CNTNAP2: variants seen among roughly 807,000 people sequenced by gnomAD.
CNTNAP2 encodes the protein contactin associated protein 2, also known as contactin-associated protein-like 2.
Under a neutral mutation model 155.2 loss-of-function variants are expected in CNTNAP2, and 98 were observed. The observed-to-expected ratio is 0.63, with a 90% CI of 0.54 to 0.75. The LOEUF is 0.75. CNTNAP2 is among the 30% of genes least tolerant of loss of function. The pLI is 0.00. For missense variants in CNTNAP2, 1,727 were observed against 1,688.1 expected (o/e 1.02, Z -0.40); for synonymous variants, 651 against 631.2 (o/e 1.03, Z -0.47).
chr7:146,850,931 G>A (rs1468080046), intron 3 of CNTNAP2, among the ~76,000 whole-genome samples: 1 of 152,040 alleles, frequency 6.6e-6, no homozygotes, highest in East Asian at 1.9e-4. Context: ...AGTGATCTCT[G>A]CATTTAAACT....
chr7:148,313,429 G>A (rs1232990439), intron 21 of CNTNAP2, among the ~76,000 whole-genome samples: 1 of 151,816 alleles, frequency 6.6e-6, no homozygotes, highest in African/African-American at 2.4e-5. Context: ...TTTCAGTGGG[G>A]TCCCGCACAG....
At chr7:147,261,280 T>G (rs1286729213) in intron 8 of CNTNAP2, among the ~76,000 whole-genome samples, 2 of 152,186 alleles carry the variant, frequency 1.3e-5, no homozygotes, top group African/African-American at 4.8e-5. Context: ...GTTCCTTGGG[T>G]GATTCCAATG....
chr7:146,938,803 C>A (rs1230519384), intron 3 of CNTNAP2, among the ~76,000 whole-genome samples: 2 of 152,054 alleles, frequency 1.3e-5, no homozygotes, highest in Non-Finnish European at 2.9e-5. Flanking sequence ...GTGCTCAAAT[C>A]TATTGTCTTA....
chr7:146,253,218 C>T lies in CNTNAP2; in HGVS notation c.97+136245C>T, dbSNP rs115362081. ...TTCCTCACTATACTCTACTATTTCACGCCTCTGTGAGTCTGTATCCATGAA... is the reference window on the plus strand; with the variant it reads ...TTCCTCACTATACTCTACTATTTCATGCCTCTGTGAGTCTGTATCCATGAA... On this transcript the variant is annotated intron_variant, in intron 1 of 23. Coordinates refer to ENST00000361727, the MANE Select transcript of CNTNAP2 (RefSeq NM_014141.6). 4.5e-3 allele frequency among the ~76,000 whole-genome samples: 682 copies of T among 152,298 alleles called. 7 individuals are homozygous for T. The highest frequency in any genetic ancestry group is 0.016 in the African/African-American group (659 of 41,560).
intron 1 of CNTNAP2, among the ~76,000 whole-genome samples, chr7:146,243,685 G>A (rs1225304427): frequency 6.6e-6 from 1 of 151,896 alleles, no homozygotes; most frequent in African/African-American, 2.4e-5. Context: ...TTAATCTCTG[G>A]TAAAATCCAT....
At chr7:146,577,650 C>G (rs1049023049) in intron 1 of CNTNAP2, among the ~76,000 whole-genome samples, 2 of 151,930 alleles carry the variant, frequency 1.3e-5, no homozygotes, top group African/African-American at 4.8e-5. Flanking sequence ...AAAAATAAAA[C>G]TCTTGAATAT....
chr7:148,132,090 G>A (rs1241778449), intron 16 of CNTNAP2, among the ~76,000 whole-genome samples: 1 of 152,164 alleles, frequency 6.6e-6, no homozygotes, highest in African/African-American at 2.4e-5. Context: ...TTGTTAATTT[G>A]TACTTGTATC....
Position 147,729,418 on chromosome 7 carries a change from ACACACACACG to A in CNTNAP2, c.2098+90122_2098+90131del, listed in dbSNP as rs749773394. Among the ~76,000 whole-genome samples the A allele has an allele frequency of 2.7e-3, 88 of 33,028 alleles. No homozygotes were observed. In the South Asian group the frequency reaches 0.079, roughly 30 times the overall value. 21.7% of individuals were successfully genotyped at this position (33,028 alleles called of 152,430 possible). A position where few individuals can be genotyped will look rare whatever the true frequency, so the allele number is the denominator to read the frequency against. On this transcript the variant is annotated intron_variant, in intron 13 of 23. Coordinates refer to ENST00000361727, the MANE Select transcript of CNTNAP2 (RefSeq NM_014141.6). ...AATAAGAAAACATGCACACACACGC[ACACACACACG>A]CACACACACACACACACACAGAGTT...
intron 21 of CNTNAP2, among the ~76,000 whole-genome samples, chr7:148,360,150 T>TA (rs1433244626): frequency 3.9e-5 from 6 of 152,146 alleles, no homozygotes; most frequent in Non-Finnish European, 7.3e-5. Flanking sequence ...TGACAAATGA[T>TA]ACAACAAGCA....
At chr7:146,945,061 A>T (rs1797134698) in intron 3 of CNTNAP2, among the ~76,000 whole-genome samples, 2 of 152,144 alleles carry the variant, frequency 1.3e-5, no homozygotes, top group African/African-American at 4.8e-5. Flanking sequence ...GTGATAATAA[A>T]CATATAAAGC....
intron 1 of CNTNAP2, among the ~76,000 whole-genome samples, chr7:146,273,032 G>A (rs1172113828): frequency 1.3e-5 from 2 of 150,778 alleles, no homozygotes; most frequent in Non-Finnish European, 2.9e-5. Context: ...AGGGAGTGAG[G>A]TACAGATTGG....
chr7:147,691,976 G>C (rs1037776350), intron 13 of CNTNAP2, among the ~76,000 whole-genome samples: 5 of 152,102 alleles, frequency 3.3e-5, no homozygotes, highest in South Asian at 4.1e-4. Context: ...GTATCACACA[G>C]AATGTTCCAC....
intron 23 of CNTNAP2, among the ~76,000 whole-genome samples, chr7:148,414,112 C>G (rs1235211836): frequency 3.4e-4 from 27 of 80,400 alleles, no homozygotes; most frequent in Middle Eastern, 6.9e-3. Context: ...CCCCCCCCCC[C>G]CTCACACAAG....
At chr7:146,185,213 A>G (rs1798605511) in intron 1 of CNTNAP2, among the ~76,000 whole-genome samples, 1 of 152,192 alleles carries the variant, frequency 6.6e-6, no homozygotes, top group Non-Finnish European at 1.5e-5. Context: ...GATTGTAAGA[A>G]AGAAGATTAA....
intron 1 of CNTNAP2, among the ~76,000 whole-genome samples, chr7:146,637,360 G>A (rs1271910704): frequency 6.6e-6 from 1 of 152,150 alleles, no homozygotes; most frequent in Non-Finnish European, 1.5e-5. Context: ...TACATTGATT[G>A]ACAAGATATC....
chr7:147,848,819 T>C (rs930276407), intron 13 of CNTNAP2, among the ~76,000 whole-genome samples: 2 of 152,166 alleles, frequency 1.3e-5, no homozygotes, highest in Non-Finnish European at 2.9e-5. Context: ...AGAATAGAAT[T>C]TATGAATCAT....
intron 20 of CNTNAP2, among the ~76,000 whole-genome samples, chr7:148,250,897 G>T (rs1585217150): frequency 6.6e-6 from 1 of 152,108 alleles, no homozygotes; most frequent in South Asian, 2.1e-4. Context: ...ATGCAGACTG[G>T]AGTGCAGTCA....
chr7:147,874,648 C>T (rs117026972), intron 13 of CNTNAP2, among the ~76,000 whole-genome samples: 15 of 152,342 alleles, frequency 9.8e-5, no homozygotes, highest in Admixed American at 3.9e-4. Flanking sequence ...GAGACATTTT[C>T]CCTGTTGTCT....
chr7:146,159,790 G>A (rs1057345036), intron 1 of CNTNAP2, among the ~76,000 whole-genome samples: 12 of 152,072 alleles, frequency 7.9e-5, no homozygotes, highest in African/African-American at 2.9e-4. Context: ...CAATAATTAT[G>A]GGAGATTTTA....
Sources: allele counts gnomAD v4.1 joint callset (sites outside exome capture counted in the v4.1 genomes callset), GRCh38; gene constraint gnomAD v4.1.1; transcripts MANE v1.5; gene names NCBI Gene and HGNC (gene_info 2026-07-23, HGNC 2026-07-21).